The following SNTG1 variants were observed in gnomAD, a reference collection of about 807,000 sequenced individuals.
SNTG1 encodes the protein syntrophin gamma 1.
In SNTG1, 39 loss-of-function variants were observed where a neutral mutation model predicts 74.7. The ratio of observed to expected loss-of-function variants is 0.52; its 90% CI spans 0.40 to 0.68. SNTG1 has a LOEUF of 0.68. SNTG1 is among the 30% of genes least tolerant of loss of function. The pLI, the probability that SNTG1 is intolerant of heterozygous loss-of-function variation, is 0.00. For missense variants in SNTG1, 685 were observed against 609.5 expected (o/e 1.12, Z -1.30); for synonymous variants, 254 against 217.1 (o/e 1.17, Z -1.49).
intron 2 of SNTG1, among the ~76,000 whole-genome samples, chr8:50,367,177 C>T (rs569986241): frequency 8.4e-4 from 128 of 151,636 alleles, no homozygotes; most frequent in African/African-American, 3.0e-3. Flanking sequence ...GTTTCCTTTA[C>T]CAAGTAGATC....
At chr8:50,469,044 CA>C (rs1271723045) in intron 8 of SNTG1, among the ~76,000 whole-genome samples, 1 of 152,100 alleles carries the variant, frequency 6.6e-6, no homozygotes, top group East Asian at 1.9e-4. Context: ...ATGAGAAAAG[CA>C]AGATAGTTTA....
chr8:50,568,678 T>A (rs2094529750), intron 12 of SNTG1, among the ~76,000 whole-genome samples: 1 of 152,208 alleles, frequency 6.6e-6, no homozygotes, highest in Non-Finnish European at 1.5e-5. Context: ...TTTTTTAATC[T>A]GATTTTTTTA....
intron 1 of SNTG1, among the ~76,000 whole-genome samples, chr8:49,938,731 CAA>C (rs1378691888): frequency 6.7e-6 from 1 of 148,182 alleles, no homozygotes; most frequent in Non-Finnish European, 1.5e-5. Context: ...GACTTCATAA[CAA>C]GAGTTTATTT....
intron 18 of SNTG1, among the ~76,000 whole-genome samples, chr8:50,772,983 C>G (rs2131793735): frequency 6.6e-6 from 1 of 152,194 alleles, no homozygotes; most frequent in South Asian, 2.1e-4. Context: ...AAACCTTCAC[C>G]AGATGCAGCT....
chr8:50,001,763 C>T (rs1365539766), intron 1 of SNTG1, among the ~76,000 whole-genome samples: 2 of 152,070 alleles, frequency 1.3e-5, no homozygotes, highest in East Asian at 3.9e-4. Flanking sequence ...CATGTCATAC[C>T]CAGAGACCTC....
At chr8:50,394,846 C>CTT (rs10634199) in intron 3 of SNTG1, among the ~76,000 whole-genome samples, 75,047 of 143,306 alleles carry the variant, frequency 0.52, 19,901 homozygotes, top group East Asian at 0.81. Flanking sequence ...GAAAAACTAA[C>CTT]TTTTTTTTTT....
intron 12 of SNTG1, among the ~76,000 whole-genome samples, chr8:50,580,747 G>A (rs575922756): frequency 3.3e-4 from 50 of 152,204 alleles, no homozygotes; most frequent in Admixed American, 2.6e-4. Context: ...CCCCAGGCAT[G>A]CTTAACTGTG....
chr8:50,503,852 T>C (rs1225067849), intron 9 of SNTG1, among the ~76,000 whole-genome samples: 1 of 152,206 alleles, frequency 6.6e-6, no homozygotes, highest in Non-Finnish European at 1.5e-5. Flanking sequence ...TTCTTTTATT[T>C]AACTTTTATT....
At chr8:50,175,713 G>A (rs7833071) in intron 2 of SNTG1, among the ~76,000 whole-genome samples, 2,550 of 152,230 alleles carry the variant, frequency 0.017, 66 homozygotes, top group African/African-American at 0.052. Flanking sequence ...GCAGTTGTAA[G>A]GAAAATAATG....
intron 1 of SNTG1, among the ~76,000 whole-genome samples, chr8:50,140,212 G>A (rs1449019639): frequency 6.6e-6 from 1 of 152,162 alleles, no homozygotes; most frequent in East Asian, 1.9e-4. Flanking sequence ...AACATTTAAA[G>A]AGGGGTCAAC....
intron 1 of SNTG1, among the ~76,000 whole-genome samples, chr8:50,044,610 G>A (rs1359819617): frequency 2.0e-5 from 3 of 152,040 alleles, no homozygotes; most frequent in Admixed American, 1.3e-4. Context: ...CTTCTTAATC[G>A]CTCTGTAAAA....
At chr8:49,926,440 C>A (rs1807036565) in intron 1 of SNTG1, among the ~76,000 whole-genome samples, 1 of 151,906 alleles carries the variant, frequency 6.6e-6, no homozygotes. Flanking sequence ...ATTTCAAACA[C>A]CATGATGTTA....
At chr8:50,249,310 G>C (rs2086540082) in intron 2 of SNTG1, among the ~76,000 whole-genome samples, 1 of 152,162 alleles carries the variant, frequency 6.6e-6, no homozygotes, top group Admixed American at 6.5e-5. Flanking sequence ...CACAGTCTTG[G>C]ACATTGGAGC....
rs550214800 is a variant in SNTG1, at chr8:50,579,695, A to G, written c.811-11184A>G. Among the ~76,000 whole-genome samples, 278 of 152,360 alleles carry G rather than the reference A, an allele frequency of 1.8e-3. 1 individual carries two copies. Among genetic ancestry groups the G allele is most frequent in the Non-Finnish European group, 3.0e-3 (207 of 68,038 alleles). ...AATGCGCAGTTCAGGCCGTTGCTTC[A>G]GATGATGCAAGTCCCAAGCTTTGGC... On this transcript the variant is annotated intron_variant, in intron 12 of 18. Coordinates refer to ENST00000642720, the MANE Select transcript of SNTG1 (RefSeq NM_018967.5).
intron 2 of SNTG1, among the ~76,000 whole-genome samples, chr8:50,212,308 A>T (rs2084560080): frequency 6.6e-6 from 1 of 152,184 alleles, no homozygotes; most frequent in Non-Finnish European, 1.5e-5. Flanking sequence ...AAGTAAAGCT[A>T]TGTAGATTAT....
At chr8:50,204,704 T>A (rs1173435563) in intron 2 of SNTG1, among the ~76,000 whole-genome samples, 1 of 152,140 alleles carries the variant, frequency 6.6e-6, no homozygotes, top group African/African-American at 2.4e-5. Flanking sequence ...TATCTCCTAA[T>A]GCTATCCCTC....
chr8:50,735,899 C>G (rs548515509), intron 17 of SNTG1, among the ~76,000 whole-genome samples: 6 of 152,134 alleles, frequency 3.9e-5, no homozygotes, highest in African/African-American at 1.2e-4. Flanking sequence ...CAAAGGGAAA[C>G]CCATCAGACT....
intron 9 of SNTG1, among the ~76,000 whole-genome samples, chr8:50,519,060 C>G (rs1179078677): frequency 6.6e-6 from 1 of 151,878 alleles, no homozygotes; most frequent in African/African-American, 2.4e-5. Flanking sequence ...CCTCCAAAAG[C>G]AACTCTCAAA....
chr8:50,146,643 T>C (rs2081878311), intron 1 of SNTG1, among the ~76,000 whole-genome samples: 1 of 152,200 alleles, frequency 6.6e-6, no homozygotes, highest in African/African-American at 2.4e-5. Context: ...AGAGTGGCTA[T>C]GTCGTATTGC....
Sources: gnomAD v4.1 joint callset for allele counts (sites outside exome capture counted in the v4.1 genomes callset) on GRCh38, gnomAD v4.1.1 for gene constraint, MANE v1.5 for transcripts, NCBI Gene and HGNC (gene_info 2026-07-23, HGNC 2026-07-21) for gene names.